LRRTM4: variants seen among roughly 807,000 people sequenced by gnomAD.
LRRTM4 encodes the protein leucine-rich repeat transmembrane neuronal protein 4.
A neutral mutation model predicts 47.6 loss-of-function variants in LRRTM4; 25 were observed. That is an observed-to-expected ratio of 0.53 (90% CI 0.38 to 0.73). LRRTM4 has a LOEUF of 0.73. Ranked by LOEUF, LRRTM4 falls within the 30% of genes least tolerant of loss-of-function variation. LRRTM4 has a pLI of 0.00. For synonymous variants in LRRTM4, 311 were observed against 269.5 expected (o/e 1.15, Z -1.51); for missense variants, 638 against 713.4 (o/e 0.89, Z 1.20).
At chr2:77,163,320 G>C (rs1672784404) in intron 3 of LRRTM4, among the ~76,000 whole-genome samples, 1 of 152,136 alleles carries the variant, frequency 6.6e-6, no homozygotes. Flanking sequence ...AGAAATATGG[G>C]ACTATGTGGA....
intron 3 of LRRTM4, among the ~76,000 whole-genome samples, chr2:77,117,835 G>T (rs1326952587): frequency 6.6e-6 from 1 of 151,746 alleles, no homozygotes; most frequent in Non-Finnish European, 1.5e-5. Context: ...CTAGGTGCTG[G>T]AGCTTATTTC....
intron 3 of LRRTM4, among the ~76,000 whole-genome samples, chr2:77,082,686 AAAGT>A (rs1244232404): frequency 9.4e-6 from 1 of 106,250 alleles, no homozygotes; most frequent in African/African-American, 5.4e-5. Flanking sequence ...ATATTAACAT[AAAGT>A]AGAGAAATAG....
chr2:77,050,925 A>G (rs1348757829), intron 3 of LRRTM4, among the ~76,000 whole-genome samples: 4 of 152,184 alleles, frequency 2.6e-5, no homozygotes, highest in African/African-American at 9.6e-5. Flanking sequence ...TATACTCTCT[A>G]AGTAATCATG....
chr2:77,383,677 C>A (rs1484096206), intron 3 of LRRTM4, among the ~76,000 whole-genome samples: 1 of 151,976 alleles, frequency 6.6e-6, no homozygotes, highest in East Asian at 1.9e-4. Flanking sequence ...TTCTAATATA[C>A]CCTTCATAGA....
chr2:77,092,365 T>G (rs4404301), intron 3 of LRRTM4, among the ~76,000 whole-genome samples: 1 of 145,456 alleles, frequency 6.9e-6, no homozygotes, highest in African/African-American at 2.6e-5. Context: ...TTATTGATGG[T>G]GGTTCCACCA....
At chr2:77,049,122 TTATATATATATATATATATA>T (rs3058032) in intron 3 of LRRTM4, among the ~76,000 whole-genome samples, 2 of 62,698 alleles carry the variant, frequency 3.2e-5, no homozygotes, top group Non-Finnish European at 5.4e-5. Flanking sequence ...ATTTCATTTT[TTATATATATATATATATATA>T]TATATATATA....
intron 3 of LRRTM4, among the ~76,000 whole-genome samples, chr2:76,751,127 A>C (rs2104051634): frequency 6.6e-6 from 1 of 152,332 alleles, no homozygotes; most frequent in African/African-American, 2.4e-5. Context: ...TTGAAAAAAT[A>C]CTTGATCAAA....
At chr2:76,905,274 C>A (rs1673787155) in intron 3 of LRRTM4, among the ~76,000 whole-genome samples, 4 of 152,154 alleles carry the variant, frequency 2.6e-5, no homozygotes, top group Admixed American at 2.6e-4. Context: ...TTCCAACAGA[C>A]CTGCGGCTGA....
At position 76,781,360 on chromosome 2, in the gene LRRTM4, C is replaced by T. The variant is rs373528334; in HGVS notation, c.1552-32444G>A. Among the ~76,000 whole-genome samples, 1,302 of 152,306 alleles carry T rather than the reference C, an allele frequency of 8.5e-3. 24 individuals are homozygous for T. The highest frequency in any genetic ancestry group is 0.045 in the Admixed American group (691 of 15,296). On this transcript the variant is annotated intron_variant, in intron 3 of 3. Transcript: ENST00000409884. ...GGCACCCCTCCCCCAGCCTGGCTGC[C>T]GCCTTGCAGTTTGATCTCAGACTGC...
intron 3 of LRRTM4, among the ~76,000 whole-genome samples, chr2:77,358,910 A>C (rs1361040431): frequency 1.3e-5 from 2 of 152,198 alleles, no homozygotes; most frequent in South Asian, 2.1e-4. Flanking sequence ...TATTTAAATT[A>C]TCTCTCTTGA....
intron 3 of LRRTM4, among the ~76,000 whole-genome samples, chr2:77,358,061 C>T (rs559587889): frequency 5.9e-5 from 9 of 152,178 alleles, no homozygotes; most frequent in Admixed American, 4.6e-4. Flanking sequence ...TAACCTTTCT[C>T]CTAAAGCATG....
intron 3 of LRRTM4, among the ~76,000 whole-genome samples, chr2:77,161,499 T>C (rs1279097169): frequency 6.6e-6 from 1 of 152,208 alleles, no homozygotes; most frequent in Non-Finnish European, 1.5e-5. Flanking sequence ...ACTTGTTGTC[T>C]CAGTGTTTGG....
intron 3 of LRRTM4, among the ~76,000 whole-genome samples, chr2:77,151,016 GTT>G (rs369649908): frequency 1.1e-3 from 161 of 152,138 alleles, no homozygotes; most frequent in African/African-American, 3.6e-3. Context: ...ACGAAAAACT[GTT>G]CGCATATTTA....
At chr2:77,106,847 A>AT (rs1274017369) in intron 3 of LRRTM4, among the ~76,000 whole-genome samples, 3 of 151,910 alleles carry the variant, frequency 2.0e-5, no homozygotes, top group African/African-American at 7.2e-5. Context: ...AAGGAAATGA[A>AT]TTTTTTCCTT....
intron 3 of LRRTM4, among the ~76,000 whole-genome samples, chr2:77,104,398 C>G (rs1671038006): frequency 6.6e-6 from 1 of 152,142 alleles, no homozygotes; most frequent in Non-Finnish European, 1.5e-5. Flanking sequence ...GCCACTTTCC[C>G]ACCAGAATCC....
chr2:77,216,160 CA>C (rs2103934348), intron 3 of LRRTM4, among the ~76,000 whole-genome samples: 1 of 152,180 alleles, frequency 6.6e-6, no homozygotes, highest in Non-Finnish European at 1.5e-5. Context: ...ACTAGGATGT[CA>C]AAAGGGTAGT....
chr2:77,056,193 T>C (rs1330534823), intron 3 of LRRTM4, among the ~76,000 whole-genome samples: 1 of 150,894 alleles, frequency 6.6e-6, no homozygotes, highest in African/African-American at 2.5e-5. Flanking sequence ...AGTATAATAA[T>C]AAAAAGCTAA....
At chr2:76,890,212 C>G (rs1332542238) in intron 3 of LRRTM4, among the ~76,000 whole-genome samples, 1 of 151,956 alleles carries the variant, frequency 6.6e-6, no homozygotes, top group African/African-American at 2.4e-5. Flanking sequence ...AAATGCCACA[C>G]AGCTAGTGGT....
intron 3 of LRRTM4, among the ~76,000 whole-genome samples, chr2:76,803,945 G>T (rs1464918765): frequency 6.6e-6 from 1 of 152,218 alleles, no homozygotes; most frequent in Non-Finnish European, 1.5e-5. Context: ...TGAAGACTGA[G>T]TCTCTAGTGA....
Sources: gnomAD v4.1 joint callset for allele counts (sites outside exome capture counted in the v4.1 genomes callset) on GRCh38, gnomAD v4.1.1 for gene constraint, MANE v1.5 for transcripts, NCBI Gene and HGNC (gene_info 2026-07-23, HGNC 2026-07-21) for gene names.